TJP1: variants seen among roughly 807,000 people sequenced by gnomAD.
The protein encoded by TJP1 is tight junction protein ZO-1.
A neutral mutation model predicts 194.2 loss-of-function variants in TJP1; 43 were observed. That is an observed-to-expected ratio of 0.22 (90% confidence interval 0.17 to 0.29). TJP1 has a LOEUF of 0.29. Among genes scored for constraint, TJP1 ranks in the 10% least tolerant of loss-of-function variants. The probability of loss-of-function intolerance (pLI) is 1.00; values close to 1 mark genes in which losing one functional copy is unlikely to be tolerated. For synonymous variants in TJP1, 801 were observed against 779.0 expected (o/e 1.03, Z -0.47); for missense variants, 1,971 against 2,185.7 (o/e 0.90, Z 1.96).
At chr15:29,769,681 C>CT (rs1297977491) in intron 4 of TJP1, among the ~76,000 whole-genome samples, 1 of 152,130 alleles carries the variant, frequency 6.6e-6, no homozygotes, top group East Asian at 1.9e-4. Context: ...TGAAAATCTC[C>CT]TATCACCTAG....
chr15:29,827,364 A>G (rs2050709142), upstream of TJP1, among the ~76,000 whole-genome samples: 1 of 152,084 alleles, frequency 6.6e-6, no homozygotes, highest in South Asian at 2.1e-4. Flanking sequence ...CATTAGTGGG[A>G]CCCCAGGGCC....
At chr15:29,799,396 ATATCT>A (rs748297022) in intron 2 of TJP1, among the ~76,000 whole-genome samples, 9 of 151,938 alleles carry the variant, frequency 5.9e-5, no homozygotes, top group Non-Finnish European at 1.0e-4. Context: ...AAAGTTGACT[ATATCT>A]TATCAGAAAA....
chr15:29,729,297 CTCAAACAAAA>C (rs1348824205), intron 15 of TJP1: 6 of 152,070 alleles, frequency 3.9e-5, no homozygotes, highest in African/African-American at 1.4e-4. Flanking sequence ...AAGACCTTGT[CTCAAACAAAA>C]GAAAACAAAA....
chr15:29,941,553 T>G (rs2055077564), intron 2 of TJP1, among the ~76,000 whole-genome samples: 1 of 152,144 alleles, frequency 6.6e-6, no homozygotes, highest in Non-Finnish European at 1.5e-5. Flanking sequence ...CCAGCTGGTG[T>G]GAGCTCCATC....
chr15:29,708,176 A>C (rs927283131), intron 25 of TJP1, among the ~76,000 whole-genome samples: 6 of 149,746 alleles, frequency 4.0e-5, no homozygotes, highest in Non-Finnish European at 1.5e-5. Flanking sequence ...AGCCTGGGCG[A>C]CAGAGGGAGA....
chr15:29,838,151 A>G (rs7175819), intron 2 of TJP1, among the ~76,000 whole-genome samples: 120,944 of 152,236 alleles, frequency 0.79, 48,743 homozygotes, highest in East Asian at 0.96. Context: ...TTGGCCAGGC[A>G]TGGTAGCTCA....
chr15:29,922,136 C>A (rs543200045), intron 2 of TJP1, among the ~76,000 whole-genome samples: 3 of 152,050 alleles, frequency 2.0e-5, no homozygotes, highest in Non-Finnish European at 4.4e-5. Context: ...TGTGAGCCAC[C>A]GCACCCGGAC....
upstream of TJP1, chr15:29,823,124 A>G (rs987374790): frequency 2.6e-5 from 4 of 152,226 alleles, no homozygotes; most frequent in Non-Finnish European, 4.4e-5. Context: ...AGACCTCAAG[A>G]TATATCCAAA....
In TJP1 at chr15:29,851,834, A is replaced by G. The variant is rs376727329; in HGVS notation, c.307-51132T>C. On this transcript the variant is annotated intron_variant, in intron 2 of 28. Transcript: ENST00000356107. Reference sequence around the variant, plus strand: ...GGCATCTGCCTTCTACCTATATCATATATGTCCAACTCTTTTTTCATAAAG... The same window carrying G: ...GGCATCTGCCTTCTACCTATATCATGTATGTCCAACTCTTTTTTCATAAAG... Among the ~76,000 whole-genome samples, 8 of 152,320 alleles carry G rather than the reference A, an allele frequency of 5.3e-5. No homozygotes were observed. The East Asian group carries it at 1.2e-3, about 22-fold the overall frequency.
intron 8 of TJP1, 107 bp downstream of exon 8, chr15:29,761,032 G>T: frequency 1.5e-6 from 2 of 1,304,420 alleles, no homozygotes; most frequent in South Asian, 1.7e-5. Context: ...ATCTAATCTT[G>T]AATAATCAAA....
In TJP1 at chr15:29,720,027, T is replaced by C; in HGVS notation, c.2764-11A>G. ...TGAAGCTTCTGCTTTCTGTGAAGTG[T>C]TTAAAATATTTTAAATATAGTGTTT... On this transcript the variant is annotated splice_polypyrimidine_tract_variant and intron_variant, in intron 19 of 27. Coordinates refer to ENST00000614355, the MANE Select transcript of TJP1 (RefSeq NM_001330239.4). The C allele has an allele frequency of 1.3e-6, 2 of 1,581,290 alleles. No homozygotes were observed. The highest frequency in any genetic ancestry group is 8.6e-7 in the Non-Finnish European group (1 of 1,167,918).
At position 29,700,759 on chromosome 15, in the gene TJP1, A is replaced by C. The variant is rs2041494255; in HGVS notation, c.*836T>G. 4.1e-6 allele frequency: 1 copy of C among 245,230 alleles called. No individual in the cohort carries two copies. The highest frequency in any genetic ancestry group is 7.7e-6 in the Non-Finnish European group (1 of 129,690). The allele number at this position is 245,230 out of a possible 1,614,324, so 15.2% of individuals were successfully genotyped here. On this transcript the variant is annotated 3_prime_UTR_variant, in exon 28 of 28. Transcript: ENST00000614355. ...AAAGAAAAGAAAAGAAAAGAAAAAAATATCCCCAAATCACACCACTATTTT... is the reference window on the plus strand; with the variant it reads ...AAAGAAAAGAAAAGAAAAGAAAAAACTATCCCCAAATCACACCACTATTTT...
At chr15:29,728,103 A>G in intron 15 of TJP1, 84 bp from the exon 16 acceptor site, 2 of 1,099,740 alleles carry the variant, frequency 1.8e-6, no homozygotes, top group South Asian at 2.5e-5. Context: ...CACAACTGAT[A>G]TGCCGGACTG....
chr15:29,838,386 C>T (rs927400652), intron 2 of TJP1, among the ~76,000 whole-genome samples: 2 of 152,118 alleles, frequency 1.3e-5, no homozygotes, highest in Admixed American at 6.5e-5. Context: ...GATTGCACCA[C>T]CGCACTCCAG....
chr15:29,704,977 G>A (rs555612728), intron 26 of TJP1, among the ~76,000 whole-genome samples: 12 of 152,306 alleles, frequency 7.9e-5, no homozygotes, highest in East Asian at 3.9e-4. Context: ...AACACACTTC[G>A]TTATAATATC....
chr15:29,920,913 G>T (rs1054185108), intron 2 of TJP1, among the ~76,000 whole-genome samples: 1 of 152,170 alleles, frequency 6.6e-6, no homozygotes, highest in African/African-American at 2.4e-5. Context: ...GCATTCCTGC[G>T]TGAGGGAAAC....
At chr15:29,916,537 A>G (rs775251644) in intron 2 of TJP1, among the ~76,000 whole-genome samples, 2 of 152,298 alleles carry the variant, frequency 1.3e-5, no homozygotes, top group African/African-American at 2.4e-5. Flanking sequence ...TACTTCCTAC[A>G]ATAGAAAGCC....
At chr15:29,949,666 A>AACCACC (rs2055546683) in intron 2 of TJP1, among the ~76,000 whole-genome samples, 1 of 18,612 alleles carries the variant, frequency 5.4e-5, no homozygotes, top group Non-Finnish European at 1.1e-4. Flanking sequence ...CCACCTCCAC[A>AACCACC]ACCACCACCT....
chr15:29,843,313 T>A (rs780617264), intron 2 of TJP1, among the ~76,000 whole-genome samples: 22 of 152,048 alleles, frequency 1.4e-4, no homozygotes, highest in Admixed American at 3.9e-4. Flanking sequence ...CTCAGCCTCC[T>A]GAGTTAGCTG....
Sources: allele counts gnomAD v4.1 joint callset (sites outside exome capture counted in the v4.1 genomes callset), GRCh38; gene constraint gnomAD v4.1.1; transcripts MANE v1.5; gene names NCBI Gene and HGNC (gene_info 2026-07-23, HGNC 2026-07-21).